The following TESMIN variants were observed in gnomAD, a reference collection of about 807,000 sequenced individuals.
The protein encoded by TESMIN is testis expressed metallothionein like protein, also known as CXC domain containing 2.
TESMIN carries 34 observed loss-of-function variants against 47.4 expected under a neutral mutation model. The ratio of observed to expected loss-of-function variants is 0.72; its 90% CI spans 0.55 to 0.96. The LOEUF (loss-of-function observed/expected upper bound fraction) is 0.96. Ranked by LOEUF, TESMIN falls within the 40% of genes least tolerant of loss-of-function variation. TESMIN has a pLI of 0.00. For missense variants in TESMIN, 610 were observed against 637.2 expected (o/e 0.96, Z 0.46); for synonymous variants, 278 against 258.9 (o/e 1.07, Z -0.71).
intron 6 of TESMIN, chr11:68,736,192 A>T (rs998261167): frequency 2.0e-6 from 2 of 985,248 alleles, no homozygotes; most frequent in African/African-American, 1.7e-5. Context: ...AGCATCAACA[A>T]TGTGTCAGAA....
chr11:68,710,627 AG>A (rs1463459381), intron 9 of TESMIN: 3 of 463,046 alleles, frequency 6.5e-6, no homozygotes, highest in Non-Finnish European at 1.1e-5. Context: ...ACAAAACGGG[AG>A]TAACTCAGAC....
At chr11:68,705,837 A>T (rs1945992082), downstream of TESMIN, among the ~76,000 whole-genome samples, 1 of 152,156 alleles carries the variant, frequency 6.6e-6, no homozygotes, top group Non-Finnish European at 1.5e-5. Context: ...AGCCTGGCCA[A>T]CATGGTGAAA....
Position 68,715,887 on chromosome 11 carries a change from T to C in TESMIN, c.970A>G (p.Asn324Asp). 1 of 1,613,682 alleles carries C rather than the reference T, an allele frequency of 6.2e-7. No homozygotes were observed. Among genetic ancestry groups the C allele is most frequent in the Non-Finnish European group, 8.5e-7 (1 of 1,179,578 alleles). The change falls in exon 7 of 10, where the codon AAT (asparagine) becomes GAT (aspartate). Residue 324 changes from asparagine to aspartate, a missense_variant. Coordinates refer to ENST00000255087, the MANE Select transcript of TESMIN (RefSeq NM_004923.3). The stretch of plus-strand genomic sequence containing the variant: ...TCATGATGCAAGTTGTTGCAACAAT[T>C]ATTACAATTGCAGTTGTTGCAAAAG... ...GDFCNNCNCN[N>D]CCNNLHHDIE...
At position 68,715,911 on chromosome 11, in the gene TESMIN, A is replaced by T; in HGVS notation, c.946T>A (p.Phe316Ile). The T allele has an allele frequency of 3.7e-6, 6 of 1,613,344 alleles. No individual in the cohort carries two copies. The highest frequency in any genetic ancestry group is 5.1e-6 in the Non-Finnish European group (6 of 1,179,296). The change falls in exon 7 of 10, where the codon TTT becomes ATT. Residue 316 changes from phenylalanine (F) to isoleucine (I), a missense_variant. Coordinates refer to ENST00000255087, the MANE Select transcript of TESMIN (RefSeq NM_004923.3). The part of the protein sequence containing the change: ...GYCDCFASGD[F>I]CNNCNCNNCC... ...TTATTACAATTGCAGTTGTTGCAAA[A>T]GTCCCCACTGGCAAAGCAGTCACAG...
chr11:68,718,206 G>A (rs1946164564), intron 6 of TESMIN, among the ~76,000 whole-genome samples: 1 of 151,558 alleles, frequency 6.6e-6, no homozygotes, highest in African/African-American at 2.4e-5. Flanking sequence ...TTAAGTATGA[G>A]CAGAGTGACG....
chr11:68,713,484 A>G lies in TESMIN; in HGVS notation c.1021-77T>C, dbSNP rs933918655. Reference sequence around the variant, plus strand: ...AGCTCAATGAAGGGCATCTCATTTGAATCTGATTGTTGTAAAAGATGCCAC... The same window carrying G: ...AGCTCAATGAAGGGCATCTCATTTGGATCTGATTGTTGTAAAAGATGCCAC... On this transcript the variant is annotated intron_variant, in intron 7 of 9. Coordinates refer to ENST00000255087, the MANE Select transcript of TESMIN (RefSeq NM_004923.3). 143 of 1,519,382 alleles carry G rather than the reference A, an allele frequency of 9.4e-5. 1 individual carries two copies. The South Asian group carries it at 1.6e-3, about 17-fold the overall frequency. 94.1% of individuals were successfully genotyped at this position (1,519,382 alleles called of 1,614,324 possible). A position where few individuals can be genotyped will look rare whatever the true frequency, so the allele number is the denominator to read the frequency against.
intron 6 of TESMIN, among the ~76,000 whole-genome samples, chr11:68,729,880 A>G (rs965087708): frequency 6.6e-6 from 1 of 152,362 alleles, no homozygotes; most frequent in Admixed American, 6.5e-5. Context: ...ACTGTGGGTG[A>G]AATGCTATCA....
At chr11:68,737,714 C>A (rs887827154) in intron 6 of TESMIN, 1 of 950,024 alleles carries the variant, frequency 1.1e-6, no homozygotes, top group Non-Finnish European at 1.3e-6. Flanking sequence ...TATTTCAAGA[C>A]CAGCCTGGCC....
intron 7 of TESMIN, among the ~76,000 whole-genome samples, chr11:68,715,442 T>C (rs1946125393): frequency 6.6e-6 from 1 of 152,214 alleles, no homozygotes; most frequent in Admixed American, 6.5e-5. Context: ...GCCTGATCAC[T>C]TTCCCCTAGC....
chr11:68,735,730 C>T (rs867875197), intron 6 of TESMIN, among the ~76,000 whole-genome samples: 3 of 152,194 alleles, frequency 2.0e-5, no homozygotes, highest in South Asian at 2.1e-4. Flanking sequence ...TGTGCTACAC[C>T]GACTGTAAAC....
Position 68,738,701 on chromosome 11 carries a change from C to G in TESMIN, c.916G>C (p.Gly306Arg). ...LPGPPKITLA[G>R]YCDCFASGDF... ...CAATGTATTGCTTCTAATCCTTACCCAGCCAAAGTTATTTTTGGTGGTCCT... is the reference window on the plus strand; with the variant it reads ...CAATGTATTGCTTCTAATCCTTACCGAGCCAAAGTTATTTTTGGTGGTCCT... Residue 306 changes from glycine (G) to arginine (R), a missense_variant and splice_region_variant, in exon 6 of 10, where the codon GGG becomes CGG. By Grantham distance (125) the Gly-to-Arg change is moderately radical. Transcript: ENST00000255087. 6.2e-7 allele frequency: 1 copy of G among 1,613,976 alleles called. No individual in the cohort carries two copies. Among genetic ancestry groups the G allele is most frequent in the East Asian group, 2.2e-5 (1 of 44,882 alleles).
At chr11:68,738,846 TC>T in intron 5 of TESMIN, 58 bp from the exon 6 acceptor site, 2 of 1,418,698 alleles carry the variant, frequency 1.4e-6, no homozygotes, top group Non-Finnish European at 2.0e-6. Context: ...AAAGTTCCAG[TC>T]AGCCAGCCCC....
At chr11:68,710,785 A>T in intron 9 of TESMIN, 89 bp downstream of exon 9, 1 of 1,301,342 alleles carries the variant, frequency 7.7e-7, no homozygotes, top group Non-Finnish European at 1.1e-6. Flanking sequence ...AGGCTCACAC[A>T]TTCTTTCCAG....
At chr11:68,747,396 A>C (rs746476845) in intron 2 of TESMIN, 30 bp from the exon 3 acceptor site, 55 of 1,582,914 alleles carry the variant, frequency 3.5e-5, no homozygotes, top group Middle Eastern at 3.4e-4. Context: ...ATTTTAGAGA[A>C]CACATGGTGG....
intron 6 of TESMIN, among the ~76,000 whole-genome samples, chr11:68,731,338 G>A (rs1017964863): frequency 6.6e-6 from 1 of 152,140 alleles, no homozygotes; most frequent in African/African-American, 2.4e-5. Context: ...TGAGCTGGGA[G>A]GATCACCTGA....
intron 6 of TESMIN, among the ~76,000 whole-genome samples, chr11:68,720,932 T>C (rs567058311): frequency 3.7e-4 from 57 of 152,332 alleles, no homozygotes; most frequent in Middle Eastern, 6.8e-3. Flanking sequence ...TGTAAAACTA[T>C]ACATACTGAA....
chr11:68,744,885 C>A, intron 4 of TESMIN, 106 bp downstream of exon 4: 1 of 964,706 alleles, frequency 1.0e-6, no homozygotes. Context: ...TGCCAAATTT[C>A]CTATTTAATA....
At chr11:68,727,004 C>T (rs1177637834) in intron 6 of TESMIN, among the ~76,000 whole-genome samples, 2 of 151,634 alleles carry the variant, frequency 1.3e-5, no homozygotes, top group Admixed American at 1.3e-4. Context: ...CTGCATTGAG[C>T]TATGATCATA....
chr11:68,717,630 A>C (rs879689921), intron 6 of TESMIN, among the ~76,000 whole-genome samples: 3 of 152,192 alleles, frequency 2.0e-5, no homozygotes, highest in Non-Finnish European at 2.9e-5. Context: ...CTGAACCTGA[A>C]GTCAGCAGGA....
Sources: allele counts gnomAD v4.1 joint callset (sites outside exome capture counted in the v4.1 genomes callset), GRCh38; gene constraint gnomAD v4.1.1; transcripts MANE v1.5; gene names NCBI Gene and HGNC (gene_info 2026-07-23, HGNC 2026-07-21).